PEX7: variants seen among roughly 807,000 people sequenced by gnomAD.
PEX7 encodes the protein peroxisomal biogenesis factor 7.
In PEX7, 34 loss-of-function variants were observed where a neutral mutation model predicts 47.5. The ratio of observed to expected loss-of-function variants is 0.72; its 90% CI spans 0.54 to 0.95. PEX7 has a LOEUF of 0.95. PEX7 is among the 40% of genes least tolerant of loss of function. The probability of loss-of-function intolerance (pLI) is 0.00; values close to 1 mark genes in which losing one functional copy is unlikely to be tolerated. For synonymous variants in PEX7, 141 were observed against 148.8 expected, an observed-to-expected ratio of 0.95 and a Z score of 0.38; for missense variants, 394 against 400.3, an observed-to-expected ratio of 0.98 and a Z score of 0.13.
chr6:136,880,538 A>C (rs1045686204), intron 8 of PEX7, among the ~76,000 whole-genome samples: 1 of 152,136 alleles, frequency 6.6e-6, no homozygotes, highest in Non-Finnish European at 1.5e-5. Flanking sequence ...CAAGGAAGAG[A>C]GCTCATAGGG....
chr6:136,838,803 T>A lies in PEX7; in HGVS notation c.340-6812T>A, dbSNP rs150405951. Among the ~76,000 whole-genome samples the A allele has an allele frequency of 2.1e-3, 326 of 152,226 alleles. 3 individuals are homozygous for A. The highest frequency in any genetic ancestry group is 7.6e-3 in the African/African-American group (317 of 41,522). Reference sequence around the variant, plus strand: ...AACATGTTGATTATTATGGAAGGTGTGTAATGGGTGCCTGGGGGTTTATTA... The same window carrying A: ...AACATGTTGATTATTATGGAAGGTGAGTAATGGGTGCCTGGGGGTTTATTA... On this transcript the variant is annotated intron_variant, in intron 3 of 9. Transcript: ENST00000318471.
At chr6:136,904,681 C>T (rs1775812446) in intron 9 of PEX7, among the ~76,000 whole-genome samples, 1 of 149,348 alleles carries the variant, frequency 6.7e-6, no homozygotes, top group Non-Finnish European at 1.5e-5. Flanking sequence ...ATGTGACATG[C>T]TCCTCCTTGT....
At chr6:136,863,626 G>A (rs1775005348) in intron 5 of PEX7, among the ~76,000 whole-genome samples, 1 of 152,078 alleles carries the variant, frequency 6.6e-6, no homozygotes, top group Non-Finnish European at 1.5e-5. Flanking sequence ...AGTAATACAG[G>A]GCTGGATGCA....
intron 9 of PEX7, among the ~76,000 whole-genome samples, chr6:136,902,554 G>A (rs1456017356): frequency 1.3e-5 from 2 of 152,064 alleles, no homozygotes; most frequent in African/African-American, 4.8e-5. Flanking sequence ...TTGTTAACCA[G>A]GCTGAAGGCA....
rs902722030 is a variant in PEX7 at position 136,894,716 on chromosome 6, G to A, written c.804-3426G>A. On this transcript the variant is annotated intron_variant, in intron 8 of 9. Coordinates refer to ENST00000318471, the MANE Select transcript of PEX7 (RefSeq NM_000288.4). ...TAACTCAACCAAGACATTATATTAT[G>A]ATATACAATTTAAATAAAAAATGTT... Among the ~76,000 whole-genome samples the A allele has an allele frequency of 7.5e-4, 114 of 152,250 alleles. 1 individual carries two copies. Among genetic ancestry groups the A allele is most frequent in the African/African-American group, 2.7e-3 (114 of 41,552 alleles).
chr6:136,877,538 C>T (rs1432892859), intron 8 of PEX7, among the ~76,000 whole-genome samples: 1 of 152,184 alleles, frequency 6.6e-6, no homozygotes, highest in Admixed American at 6.5e-5. Flanking sequence ...ATATGGCTAA[C>T]CAGTTTTTCC....
At chr6:136,899,490 T>A (rs1204674320) in intron 9 of PEX7, among the ~76,000 whole-genome samples, 2 of 152,056 alleles carry the variant, frequency 1.3e-5, no homozygotes, top group Admixed American at 1.3e-4. Context: ...GTGATCCACC[T>A]GCTTTGGCCT....
intron 3 of PEX7, among the ~76,000 whole-genome samples, chr6:136,832,880 A>C (rs574704991): frequency 2.0e-5 from 3 of 152,348 alleles, no homozygotes; most frequent in African/African-American, 7.2e-5. Flanking sequence ...TTCATTGTTC[A>C]TATCACTATT....
chr6:136,890,271 T>C (rs1367415068), intron 8 of PEX7, among the ~76,000 whole-genome samples: 2 of 152,238 alleles, frequency 1.3e-5, no homozygotes, highest in Admixed American at 1.3e-4. Context: ...TGTGTGTCTG[T>C]GCACACATGT....
Position 136,872,180 on chromosome 6 carries a change from TTC to T in PEX7, c.748-16_748-15del, listed in dbSNP as rs1419412646. On this transcript the variant is annotated splice_polypyrimidine_tract_variant and intron_variant, in intron 7 of 9. Coordinates refer to ENST00000318471, the MANE Select transcript of PEX7 (RefSeq NM_000288.4). ...GCTGACTTCAAAAAGGGTTTTTTTT[TTC>T]TTTTTTTTTTTGTAGTTTTCACCAT... 3.1e-6 allele frequency: 5 copies of T among 1,602,608 alleles called. No homozygotes were observed. Among genetic ancestry groups the T allele is most frequent in the South Asian group, 1.1e-5 (1 of 89,958 alleles).
chr6:136,850,917 G>GTT (rs35220728), intron 5 of PEX7, among the ~76,000 whole-genome samples: 6,316 of 69,088 alleles, frequency 0.091, 288 homozygotes, highest in Non-Finnish European at 0.099. Flanking sequence ...AAAACTGATG[G>GTT]TTTTTTTTTT....
chr6:136,906,661 T>G (rs572604754), intron 9 of PEX7, among the ~76,000 whole-genome samples: 24 of 152,194 alleles, frequency 1.6e-4, no homozygotes, highest in Non-Finnish European at 3.2e-4. Flanking sequence ...ACATTTTTCC[T>G]ATTGCTGTCC....
intron 3 of PEX7, among the ~76,000 whole-genome samples, chr6:136,839,198 AAG>A (rs1438104183): frequency 6.6e-6 from 1 of 152,176 alleles, no homozygotes; most frequent in Non-Finnish European, 1.5e-5. Flanking sequence ...AGAGAAAAAA[AAG>A]AGAAAATTTA....
chr6:136,912,209 G>A (rs1424711245), intron 9 of PEX7, among the ~76,000 whole-genome samples: 3 of 151,994 alleles, frequency 2.0e-5, no homozygotes, highest in African/African-American at 7.3e-5. Flanking sequence ...TCTTAACAGT[G>A]TCTTTTGATG....
At chr6:136,881,836 G>T (rs1775380466) in intron 8 of PEX7, among the ~76,000 whole-genome samples, 1 of 152,168 alleles carries the variant, frequency 6.6e-6, no homozygotes, top group African/African-American at 2.4e-5. Context: ...AGGGAGCGGG[G>T]GATAGATATT....
intron 5 of PEX7, among the ~76,000 whole-genome samples, chr6:136,851,221 A>G (rs1191406607): frequency 1.7e-3 from 66 of 38,496 alleles, no homozygotes; most frequent in African/African-American, 6.8e-3. Context: ...TCATTGTTCA[A>G]TTCCCACCTA....
intron 7 of PEX7, chr6:136,870,730 A>G: frequency 2.6e-6 from 1 of 383,932 alleles, no homozygotes; most frequent in Non-Finnish European, 5.1e-6. Context: ...TTTTTTTTTG[A>G]GATGGAGTCT....
At chr6:136,881,569 A>C (rs1775377084) in intron 8 of PEX7, among the ~76,000 whole-genome samples, 1 of 152,118 alleles carries the variant, frequency 6.6e-6, no homozygotes, top group Non-Finnish European at 1.5e-5. Context: ...AAATCTAATG[A>C]CTACTGAGAC....
intron 5 of PEX7, among the ~76,000 whole-genome samples, chr6:136,846,740 T>C (rs1484288451): frequency 2.6e-5 from 4 of 152,204 alleles, no homozygotes; most frequent in Admixed American, 2.0e-4. Context: ...ATCCAGTCTA[T>C]CATTGTTGGA....
Sources: gnomAD v4.1 joint callset for allele counts (sites outside exome capture counted in the v4.1 genomes callset) on GRCh38, gnomAD v4.1.1 for gene constraint, MANE v1.5 for transcripts, NCBI Gene and HGNC (gene_info 2026-07-23, HGNC 2026-07-21) for gene names.